The following RANBP2 variants were observed in gnomAD, a reference collection of about 807,000 sequenced individuals.
The protein encoded by RANBP2 is RAN binding protein 2.
RANBP2 carries 57 observed loss-of-function variants against 303.6 expected under a neutral mutation model. The ratio of observed to expected loss-of-function variants is 0.19; its 90% CI spans 0.15 to 0.23. RANBP2 has a LOEUF of 0.23. RANBP2 is among the 10% of genes least tolerant of loss of function. The probability of loss-of-function intolerance (pLI) is 1.00; values close to 1 mark genes in which losing one functional copy is unlikely to be tolerated. For synonymous variants in RANBP2, 1,167 were observed against 1,301.5 expected (o/e 0.90, Z 2.23); for missense variants, 3,138 against 3,780.8 (o/e 0.83, Z 4.46).
the RANBP2 span, among the ~76,000 whole-genome samples, chr2:109,704,530 T>C: frequency 6.8e-6 from 1 of 146,788 alleles, no homozygotes; most frequent in Admixed American, 6.8e-5. Flanking sequence ...AGACCCTGTC[T>C]CAAAAAAATA....
At chr2:109,433,696 C>G in the RANBP2 span, among the ~76,000 whole-genome samples, 3,173 of 152,336 alleles carry the variant, frequency 0.021, 44 homozygotes, top group Middle Eastern at 0.058. Context: ...CTCTAGTTCG[C>G]AAGGCAATCT....
At chr2:109,295,688 G>A in the RANBP2 span, among the ~76,000 whole-genome samples, 1 of 152,168 alleles carries the variant, frequency 6.6e-6, no homozygotes, top group South Asian at 2.1e-4. Flanking sequence ...TCAGGAGGCC[G>A]GCATTTGGGG....
At chr2:109,495,037 G>A in the RANBP2 span, among the ~76,000 whole-genome samples, 38,762 of 152,080 alleles carry the variant, frequency 0.25, 5,298 homozygotes, top group East Asian at 0.5. Context: ...GGCCAGTCTC[G>A]TAAGTAGACT....
the RANBP2 span, among the ~76,000 whole-genome samples, chr2:109,640,146 G>A: frequency 1.3e-5 from 2 of 150,440 alleles, no homozygotes; most frequent in South Asian, 2.1e-4. Context: ...GGAGTCCCAC[G>A]AATGCTTAGA....
the RANBP2 span, among the ~76,000 whole-genome samples, chr2:108,984,812 A>G: frequency 6.6e-6 from 1 of 152,080 alleles, no homozygotes; most frequent in Non-Finnish European, 1.5e-5. Context: ...TACTCACTAC[A>G]TCCCAGCATG....
At chr2:108,989,689 T>G in the RANBP2 span, among the ~76,000 whole-genome samples, 1 of 152,188 alleles carries the variant, frequency 6.6e-6, no homozygotes, top group East Asian at 1.9e-4. Context: ...TGTATACCCA[T>G]GTAACTTCAG....
chr2:108,763,163 G>A, intron 19 of RANBP2, 74 bp from the exon 20 acceptor site: 1 of 1,486,866 alleles, frequency 6.7e-7, no homozygotes, highest in Non-Finnish European at 9.3e-7. Flanking sequence ...TGAAGTTTGT[G>A]AGAATTGGTT....
At chr2:108,853,117 T>C in the RANBP2 span, among the ~76,000 whole-genome samples, 1 of 152,180 alleles carries the variant, frequency 6.6e-6, no homozygotes, top group Admixed American at 6.5e-5. Context: ...TTTGTAATAA[T>C]GAGAAAAGAT....
chr2:109,554,430 G>A, the RANBP2 span, among the ~76,000 whole-genome samples: 1 of 152,092 alleles, frequency 6.6e-6, no homozygotes, highest in African/African-American at 2.4e-5. Context: ...CTCCAGTTCA[G>A]GGTCATGGGT....
chr2:109,613,140 A>G, the RANBP2 span: 1 of 1,284,842 alleles, frequency 7.8e-7, no homozygotes, highest in Non-Finnish European at 1.0e-6. Context: ...CTCGATGTAC[A>G]CGACCTTGGT....
At position 108,759,026 on chromosome 2, in the gene RANBP2, C is replaced by G. The variant is rs191159219; in HGVS notation, c.2602+478C>G. ...TGGGTTTTTAAGTTCTGCTCTATCA[C>G]TTACTATAATAGCTGTGTAAGATAA... On this transcript the variant is annotated intron_variant, in intron 18 of 28. Transcript: ENST00000283195. Among the ~76,000 whole-genome samples, 68 of 149,374 alleles carry G rather than the reference C, an allele frequency of 4.6e-4. 1 individual carries two copies. In the East Asian group the frequency reaches 0.012, roughly 26 times the overall value.
At chr2:108,979,700 G>A in the RANBP2 span, among the ~76,000 whole-genome samples, 1 of 152,144 alleles carries the variant, frequency 6.6e-6, no homozygotes, top group Admixed American at 6.5e-5. Flanking sequence ...GAACTGCAGA[G>A]GAGAGGAGGG....
At position 108,771,733 on chromosome 2, in the gene RANBP2, T is replaced by G; in HGVS notation, c.7882T>G (p.Ser2628Ala). ...GAAGAAAAAACCTGAAGATTCTCCC[T>G]CAGATGATGATGTTCTCATTGTATA... is the stretch of plus-strand genomic sequence containing the variant. Reference protein sequence around the residue: ...KEKKKPEDSPSDDDVLIVYEL... With the variant: ...KEKKKPEDSPADDDVLIVYEL... The change falls in exon 21 of 29, where the codon TCA (serine) becomes GCA (alanine). Residue 2628 changes from serine (S) to alanine (A), a missense_variant. By Grantham distance (99) the Ser-to-Ala change is moderately conservative (BLOSUM62 1). Coordinates refer to ENST00000283195, the MANE Select transcript of RANBP2 (RefSeq NM_006267.5). The G allele has an allele frequency of 6.2e-7, 1 of 1,613,790 alleles. No individual in the cohort carries two copies. Among genetic ancestry groups the G allele is most frequent in the Non-Finnish European group, 8.5e-7 (1 of 1,179,922 alleles).
chr2:108,782,900 G>GA (rs1275219368), intron 28 of RANBP2, 38 bp downstream of exon 28: 1 of 1,530,438 alleles, frequency 6.5e-7, no homozygotes, highest in Non-Finnish European at 9.0e-7. Context: ...TTGAGGTCTT[G>GA]AAGAGTGCAC....
At chr2:109,507,560 C>G in the RANBP2 span, among the ~76,000 whole-genome samples, 1 of 152,198 alleles carries the variant, frequency 6.6e-6, no homozygotes, top group Non-Finnish European at 1.5e-5. Context: ...TCTCCATCTT[C>G]CCACAGTGAT....
At chr2:109,149,062 A>G in the RANBP2 span, among the ~76,000 whole-genome samples, 1 of 152,076 alleles carries the variant, frequency 6.6e-6, no homozygotes, top group South Asian at 2.1e-4. Flanking sequence ...TCCTTCCTTC[A>G]GAGGCTTCAA....
the RANBP2 span, among the ~76,000 whole-genome samples, chr2:109,507,525 T>TCTGTG: frequency 6.6e-6 from 1 of 152,144 alleles, no homozygotes; most frequent in Non-Finnish European, 1.5e-5. Flanking sequence ...CTCTCTGTGC[T>TCTGTG]CTCCTCCAGC....
the RANBP2 span, among the ~76,000 whole-genome samples, chr2:109,387,710 G>A: frequency 6.6e-6 from 1 of 152,198 alleles, no homozygotes; most frequent in Non-Finnish European, 1.5e-5. Flanking sequence ...CGTCCTCTAT[G>A]TAATGAAATA....
the RANBP2 span, among the ~76,000 whole-genome samples, chr2:108,947,010 T>C: frequency 6.6e-6 from 1 of 152,188 alleles, no homozygotes; most frequent in Non-Finnish European, 1.5e-5. Context: ...GCAAATCCCT[T>C]CTGCCTATAA....
Sources: gnomAD v4.1 joint callset for allele counts (sites outside exome capture counted in the v4.1 genomes callset) on GRCh38, gnomAD v4.1.1 for gene constraint, MANE v1.5 for transcripts, NCBI Gene and HGNC (gene_info 2026-07-23, HGNC 2026-07-21) for gene names.